Variants in USP3 observed in about 807,000 individuals in gnomAD.
USP3 encodes ubiquitin specific peptidase 3, also known as ubiquitin carboxyl-terminal hydrolase 3.
In USP3, 20 loss-of-function variants were observed where a neutral mutation model predicts 72.3. That is an observed-to-expected ratio of 0.28 (90% CI 0.19 to 0.40). The LOEUF (loss-of-function observed/expected upper bound fraction) is 0.40. USP3 is among the 10% of genes least tolerant of loss of function. The pLI is 1.00. For missense variants in USP3, 479 were observed against 633.9 expected, an observed-to-expected ratio of 0.76 and a Z score of 2.62; for synonymous variants, 222 against 225.3, an observed-to-expected ratio of 0.99 and a Z score of 0.13.
chr15:63,556,734 T>G lies in USP3; in HGVS notation c.436T>G (p.Leu146Val), dbSNP rs775083334. Residue 146 changes from leucine to valine, a missense_variant, in exon 5 of 15, where the codon TTA (leucine) becomes GTA (valine). Leu to Val is a conservative substitution (Grantham distance 32). Transcript: ENST00000380324. ...LLENSTLNSK[L>V]LKVNGSTTAI... ...GGAAAACTCAACACTAAACAGCAAG[T>G]TATTAAAAGTAAATGTAAGTAATTA... 1.3e-6 allele frequency: 2 copies of G among 1,597,974 alleles called. No homozygotes were observed. The highest frequency in any genetic ancestry group is 1.7e-6 in the Non-Finnish European group (2 of 1,171,002).
chr15:63,545,952 C>A lies in USP3; in HGVS notation c.285-7763C>A, dbSNP rs936662267. Among the ~76,000 whole-genome samples, 6 of 111,196 alleles carry A rather than the reference C, an allele frequency of 5.4e-5. No homozygotes were observed. The East Asian group carries it at 1.1e-3, about 20-fold the overall frequency. The allele number at this position is 111,196 out of a possible 152,430, so 72.9% of individuals were successfully genotyped here. The stretch of plus-strand genomic sequence containing the variant: ...CGCCATTGCACTCCAGCCTGGGTGA[C>A]AGAGCCAGACCTTGTCTCAAAAAAA... On this transcript the variant is annotated intron_variant, in intron 3 of 14. Coordinates refer to ENST00000380324, the MANE Select transcript of USP3 (RefSeq NM_006537.4).
chr15:63,548,407 C>T (rs2066386172), intron 3 of USP3, among the ~76,000 whole-genome samples: 1 of 151,800 alleles, frequency 6.6e-6, no homozygotes, highest in African/African-American at 2.4e-5. Context: ...CTTACTGCAG[C>T]CTCCGCCTCC....
Position 63,504,833 on chromosome 15 carries a change from G to C in USP3, c.91+3G>C, listed in dbSNP as rs1450868847. The C allele has an allele frequency of 6.2e-7, 1 of 1,604,232 alleles. No individual in the cohort carries two copies. Among genetic ancestry groups the C allele is most frequent in the Non-Finnish European group, 8.5e-7 (1 of 1,176,534 alleles). On this transcript the variant is annotated splice_donor_region_variant and intron_variant, in intron 1 of 14. Transcript: ENST00000380324. ...CCCGTCGTCCTGGTGCTGCAGCGGT[G>C]AGTGCGGCCACGGGCCGGCCCCGCA...
chr15:63,553,931 TA>T lies in USP3; in HGVS notation c.368+136del, dbSNP rs1242934587. 11 of 673,426 alleles carry T rather than the reference TA, an allele frequency of 1.6e-5. No individual in the cohort carries two copies. Among genetic ancestry groups the T allele is most frequent in the Non-Finnish European group, 2.3e-5 (10 of 430,128 alleles). The allele number at this position is 673,426 out of a possible 1,614,324, so 41.7% of individuals were successfully genotyped here. A position where few individuals can be genotyped will look rare whatever the true frequency, so the allele number is the denominator to read the frequency against. ...TAATATGATTGAAATGTTAATAAAA[TA>T]AACCTTGGCTTTGGATAGCTAAAAC... is the stretch of plus-strand genomic sequence containing the variant. On this transcript the variant is annotated intron_variant, in intron 4 of 14. Coordinates refer to ENST00000380324, the MANE Select transcript of USP3 (RefSeq NM_006537.4). This position sits in a 1 kb window ranked among gnomAD's most constrained non-coding sequence, Gnocchi z 4.2.
intron 4 of USP3, 49 bp from the exon 5 acceptor site, chr15:63,556,618 A>C: frequency 4.6e-4 from 607 of 1,325,350 alleles, no homozygotes; most frequent in Non-Finnish European, 5.9e-4. Context: ...CCTGTGGTGT[A>C]GCATGCATAT....
chr15:63,568,934 A>C (rs2066736834), intron 8 of USP3, among the ~76,000 whole-genome samples: 1 of 152,212 alleles, frequency 6.6e-6, no homozygotes, highest in Non-Finnish European at 1.5e-5. Context: ...TGATATAAGA[A>C]AATCACGGTA....
chr15:63,520,315 T>C (rs2065902877), intron 1 of USP3, among the ~76,000 whole-genome samples: 1 of 152,188 alleles, frequency 6.6e-6, no homozygotes. Context: ...ACAATGAGTG[T>C]GTACTCATTT....
intron 1 of USP3, among the ~76,000 whole-genome samples, chr15:63,518,922 C>A (rs549000632): frequency 6.6e-6 from 1 of 152,102 alleles, no homozygotes; most frequent in Non-Finnish European, 1.5e-5. Flanking sequence ...CTCACCACCA[C>A]GCCCGGCTAA....
At position 63,588,927 on chromosome 15, in the gene USP3, T is replaced by C; in HGVS notation, c.1330-17T>C. 5.6e-6 allele frequency: 9 copies of C among 1,614,158 alleles called. No individual in the cohort carries two copies. The highest frequency in any genetic ancestry group is 1.3e-5 in the African/African-American group (1 of 75,038). ...ACTGATGTCATTGACCACTGCTCCTTCTTCCTTGTTCTGTAGCCTGAGAAC... is the reference window on the plus strand; with the variant it reads ...ACTGATGTCATTGACCACTGCTCCTCCTTCCTTGTTCTGTAGCCTGAGAAC... On this transcript the variant is annotated splice_polypyrimidine_tract_variant and intron_variant, in intron 13 of 14. Coordinates refer to ENST00000380324, the MANE Select transcript of USP3 (RefSeq NM_006537.4). This position sits in a 1 kb window ranked among gnomAD's most constrained non-coding sequence, Gnocchi z 4.6.
At chr15:63,573,981 G>T in intron 9 of USP3, 65 bp from the exon 10 acceptor site, 1 of 1,187,410 alleles carries the variant, frequency 8.4e-7, no homozygotes, top group South Asian at 2.0e-5. Context: ...AATATTTGTA[G>T]TTTTTTAAAT....
At chr15:63,560,415 C>CAAA (rs1172049542) in intron 7 of USP3, among the ~76,000 whole-genome samples, 14,614 of 97,576 alleles carry the variant, frequency 0.15, 1,072 homozygotes, top group Middle Eastern at 0.26. Context: ...GACTCCATCT[C>CAAA]AAAAAAAAAA....
rs139393879 is a variant in USP3, at chr15:63,572,923, A to C, written c.909-1123A>C. 2.4e-3 allele frequency among the ~76,000 whole-genome samples: 364 copies of C among 152,292 alleles called. 4 individuals carry two copies. Among genetic ancestry groups the C allele is most frequent in the African/African-American group, 8.3e-3 (345 of 41,570 alleles). On this transcript the variant is annotated intron_variant, in intron 9 of 14. Coordinates refer to ENST00000380324, the MANE Select transcript of USP3 (RefSeq NM_006537.4). Reference sequence around the variant, plus strand: ...TAACCTCAGCGTCCTCATCTACAACATGGGGCTAACAGTAGCTACTTTACA... The same window carrying C: ...TAACCTCAGCGTCCTCATCTACAACCTGGGGCTAACAGTAGCTACTTTACA...
In USP3 at chr15:63,529,765, A is replaced by G. The variant is rs1358409812; in HGVS notation, c.92-2882A>G. Among the ~76,000 whole-genome samples the G allele has an allele frequency of 6.6e-6, 1 of 152,236 alleles. No homozygotes were observed. Among genetic ancestry groups the G allele is most frequent in the African/African-American group, 2.4e-5 (1 of 41,464 alleles). On this transcript the variant is annotated intron_variant, in intron 1 of 14. Coordinates refer to ENST00000380324, the MANE Select transcript of USP3 (RefSeq NM_006537.4). The surrounding 1 kb of genome is among the most constrained non-coding windows in gnomAD (Gnocchi z 4.2). Reference sequence around the variant, plus strand: ...AGCAAAGTCACAGGGATTCTGCTCCAGATTTCTTTTTCCTCGTACAAAGGA... The same window carrying G: ...AGCAAAGTCACAGGGATTCTGCTCCGGATTTCTTTTTCCTCGTACAAAGGA...
chr15:63,509,705 C>A (rs1389237425), intron 1 of USP3, among the ~76,000 whole-genome samples: 1 of 152,056 alleles, frequency 6.6e-6, no homozygotes, highest in Non-Finnish European at 1.5e-5. Flanking sequence ...CTGCAGTATT[C>A]CTCCCCAACC....
chr15:63,583,918 C>G (rs1013512413), intron 11 of USP3, among the ~76,000 whole-genome samples: 2 of 152,078 alleles, frequency 1.3e-5, no homozygotes, highest in African/African-American at 4.8e-5. Context: ...ATAAATAATG[C>G]TGCTATGAAC....
At chr15:63,524,496 T>C (rs73441169) in intron 1 of USP3, among the ~76,000 whole-genome samples, 3,775 of 152,264 alleles carry the variant, frequency 0.025, 155 homozygotes, top group African/African-American at 0.084. Flanking sequence ...CTTATAATTT[T>C]GTGGGCCAAG....
rs2065684768 is a variant in USP3 at position 63,504,739 on chromosome 15, C to T, written c.-1C>T. 1 of 1,607,234 alleles carries T rather than the reference C, an allele frequency of 6.2e-7. No individual in the cohort carries two copies. Among genetic ancestry groups the T allele is most frequent in the Non-Finnish European group, 8.5e-7 (1 of 1,177,144 alleles). On this transcript the variant is annotated 5_prime_UTR_variant, in exon 1 of 15. Coordinates refer to ENST00000380324, the MANE Select transcript of USP3 (RefSeq NM_006537.4). ...TCCTCCCAGCTGCCCTCCTCGTGGCCATGGAGTGTCCACACCTGAGCTCCA... is the reference window on the plus strand; with the variant it reads ...TCCTCCCAGCTGCCCTCCTCGTGGCTATGGAGTGTCCACACCTGAGCTCCA...
intron 1 of USP3, among the ~76,000 whole-genome samples, chr15:63,517,651 C>T (rs1289724800): frequency 1.3e-5 from 2 of 152,112 alleles, no homozygotes; most frequent in African/African-American, 4.8e-5. Context: ...TTGAGTTTTT[C>T]GGTTTTCCCT....
At chr15:63,549,444 G>T (rs2066403867) in intron 3 of USP3, among the ~76,000 whole-genome samples, 1 of 152,176 alleles carries the variant, frequency 6.6e-6, no homozygotes, top group East Asian at 1.9e-4. Context: ...ACTAACACTT[G>T]TGAAAACTTC....
Sources: allele counts gnomAD v4.1 joint callset (sites outside exome capture counted in the v4.1 genomes callset), GRCh38; gene constraint gnomAD v4.1.1; non-coding constraint Gnocchi (gnomAD v3.1); transcripts MANE v1.5; gene names NCBI Gene and HGNC (gene_info 2026-07-23, HGNC 2026-07-21).